FAM227B: variants seen among roughly 807,000 people sequenced by gnomAD.
FAM227B encodes the protein family with sequence similarity 227 member B, also known as protein FAM227B.
Under a neutral mutation model 73.8 loss-of-function variants are expected in FAM227B, and 88 were observed. The ratio of observed to expected loss-of-function variants is 1.19; its 90% CI spans 1.00 to 1.42. The LOEUF (loss-of-function observed/expected upper bound fraction) is 1.42. Ranked by LOEUF, FAM227B falls within the 40% of genes most tolerant of loss-of-function variation. The pLI, the probability that FAM227B is intolerant of heterozygous loss-of-function variation, is 0.00. For missense variants in FAM227B, 632 were observed against 590.9 expected, an observed-to-expected ratio of 1.07 and a Z score of -0.72; for synonymous variants, 210 against 190.5, an observed-to-expected ratio of 1.10 and a Z score of -0.84.
chr15:49,454,883 A>AC (rs1667766601), intron 11 of FAM227B, among the ~76,000 whole-genome samples: 1 of 152,170 alleles, frequency 6.6e-6, no homozygotes, highest in Admixed American at 6.5e-5. Flanking sequence ...TGCTGGGATT[A>AC]CAGGTGTGAG....
chr15:49,564,718 C>T (rs553208918), intron 9 of FAM227B, among the ~76,000 whole-genome samples: 40 of 151,856 alleles, frequency 2.6e-4, no homozygotes, highest in South Asian at 2.1e-3. Context: ...GGCCATTAAT[C>T]TAAGCTAATT....
At position 49,328,032 on chromosome 15, in the gene FAM227B, T is replaced by C. The variant is rs376206527; in HGVS notation, c.*536A>G. The C allele has an allele frequency of 3.2e-5, 51 of 1,613,962 alleles. No individual in the cohort carries two copies. The highest frequency in any genetic ancestry group is 4.1e-5 in the Non-Finnish European group (48 of 1,179,936). On this transcript the variant is annotated 3_prime_UTR_variant, in exon 16 of 16. Transcript: ENST00000299338. ...GTATCAATGGTACCTGCGGACAAGC[T>C]GCCCAGCTTTCTAGCAAATGTGCAC...
chr15:49,385,053 T>G (rs2046794833), intron 11 of FAM227B, among the ~76,000 whole-genome samples: 2 of 151,950 alleles, frequency 1.3e-5, no homozygotes, highest in African/African-American at 4.8e-5. Context: ...TCTAATAGCA[T>G]TTGAGTCTTC....
chr15:49,556,804 G>T (rs751484599), intron 9 of FAM227B, among the ~76,000 whole-genome samples: 2 of 152,176 alleles, frequency 1.3e-5, no homozygotes, highest in African/African-American at 2.4e-5. Flanking sequence ...ATTTCTGGTT[G>T]TGCTCCATCA....
chr15:49,471,490 TAATAATAA>T (rs1200913012), intron 11 of FAM227B, among the ~76,000 whole-genome samples: 3 of 67,964 alleles, frequency 4.4e-5, no homozygotes, highest in African/African-American at 1.3e-4. Flanking sequence ...CTCAAAATAA[TAATAATAA>T]TAATAATAAT....
At chr15:49,429,371 C>A (rs550333370) in intron 11 of FAM227B, among the ~76,000 whole-genome samples, 7 of 152,044 alleles carry the variant, frequency 4.6e-5, no homozygotes, top group African/African-American at 1.4e-4. Flanking sequence ...ATTTTATAAT[C>A]TTTTCTTTTT....
chr15:49,578,893 G>T (rs2075636541), intron 5 of FAM227B, among the ~76,000 whole-genome samples: 1 of 152,142 alleles, frequency 6.6e-6, no homozygotes, highest in Non-Finnish European at 1.5e-5. Context: ...GAAAATATTT[G>T]CAAACCATCT....
chr15:49,489,444 C>T, intron 11 of FAM227B: 1 of 876,004 alleles, frequency 1.1e-6, no homozygotes, highest in South Asian at 5.2e-5. Context: ...TCCTCTTAGC[C>T]TGAGATGTGG....
intron 14 of FAM227B, chr15:49,334,213 C>A: frequency 1.0e-6 from 1 of 978,214 alleles, no homozygotes; most frequent in Non-Finnish European, 1.2e-6. Context: ...GAATAAGAGA[C>A]AAACCTATCA....
intron 11 of FAM227B, among the ~76,000 whole-genome samples, chr15:49,432,340 TCTAA>T (rs1233060877): frequency 1.3e-5 from 2 of 151,686 alleles, no homozygotes; most frequent in Non-Finnish European, 3.0e-5. Context: ...GCACAGCTTC[TCTAA>T]CTAACCTGCT....
chr15:49,400,739 A>G (rs2048076787), intron 11 of FAM227B, among the ~76,000 whole-genome samples: 2 of 151,040 alleles, frequency 1.3e-5, no homozygotes, highest in East Asian at 3.9e-4. Flanking sequence ...TGAGAAAAAC[A>G]AGGAATGGGG....
chr15:49,541,515 T>C (rs2071066381), intron 10 of FAM227B, among the ~76,000 whole-genome samples, 165 bp downstream of exon 10: 1 of 152,122 alleles, frequency 6.6e-6, no homozygotes, highest in South Asian at 2.1e-4. Context: ...TAATGAAATG[T>C]TCAGAAGAAA....
At chr15:49,367,866 GAA>G (rs34096112) in intron 12 of FAM227B, 4,379 of 116,822 alleles carry the variant, frequency 0.037, 95 homozygotes, top group African/African-American at 0.079. Context: ...CTTAAGAACA[GAA>G]AAAAAAAAAA....
At chr15:49,613,015 G>A (rs374484104) in intron 2 of FAM227B, among the ~76,000 whole-genome samples, 18 of 152,150 alleles carry the variant, frequency 1.2e-4, no homozygotes, top group African/African-American at 4.3e-4. Context: ...GAAGGGTAGT[G>A]GGAAGTGAGG....
chr15:49,337,482 C>CATGTCTTCGTTTGAAA (rs71120678), intron 13 of FAM227B, among the ~76,000 whole-genome samples: 85,547 of 141,308 alleles, frequency 0.61, 26,185 homozygotes, highest in Non-Finnish European at 0.64. Flanking sequence ...TGGACACTTG[C>CATGTCTTCGTTTGAAA]AATGTCTGTT....
chr15:49,613,941 TACTC>T lies in FAM227B; in HGVS notation c.51+1176_51+1179del, dbSNP rs531681269. ...TGCAAAAGGCTTACAGACAGAAAAA[TACTC>T]ACGATATAATATCTCTAGCTTCATG... is the stretch of plus-strand genomic sequence containing the variant. On this transcript the variant is annotated intron_variant, in intron 2 of 15. Coordinates refer to ENST00000299338, the MANE Select transcript of FAM227B (RefSeq NM_152647.3). Among the ~76,000 whole-genome samples, 117 of 152,198 alleles carry T rather than the reference TACTC, an allele frequency of 7.7e-4. 1 individual carries two copies. The highest frequency in any genetic ancestry group is 1.4e-3 in the Non-Finnish European group (94 of 68,016).
intron 11 of FAM227B, among the ~76,000 whole-genome samples, chr15:49,426,691 A>G (rs1256639545): frequency 1.3e-5 from 2 of 151,896 alleles, no homozygotes; most frequent in Middle Eastern, 3.2e-3. Flanking sequence ...TTTGTAAACC[A>G]TCTCCTCTAA....
chr15:49,328,447 T>A lies in FAM227B; in HGVS notation c.*121A>T. Reference sequence around the variant, plus strand: ...ATTTGAAGATTTTAAAGATGAATGGTAAAACACACTCTTAATACTGATTAC... The same window carrying A: ...ATTTGAAGATTTTAAAGATGAATGGAAAAACACACTCTTAATACTGATTAC... On this transcript the variant is annotated 3_prime_UTR_variant, in exon 16 of 16. Coordinates refer to ENST00000299338, the MANE Select transcript of FAM227B (RefSeq NM_152647.3). 1 of 1,466,020 alleles carries A rather than the reference T, an allele frequency of 6.8e-7. No individual in the cohort carries two copies. Among genetic ancestry groups the A allele is most frequent in the Non-Finnish European group, 9.0e-7 (1 of 1,109,618 alleles). 90.8% of individuals were successfully genotyped at this position (1,466,020 alleles called of 1,614,324 possible). A position where few individuals can be genotyped will look rare whatever the true frequency, so the allele number is the denominator to read the frequency against.
intron 11 of FAM227B, among the ~76,000 whole-genome samples, chr15:49,384,937 C>A (rs949686602): frequency 1.3e-5 from 2 of 151,872 alleles, no homozygotes; most frequent in Non-Finnish European, 2.9e-5. Context: ...GTTTTTCAGA[C>A]CATGGCTCCA....
Sources: gnomAD v4.1 joint callset for allele counts (sites outside exome capture counted in the v4.1 genomes callset) on GRCh38, gnomAD v4.1.1 for gene constraint, MANE v1.5 for transcripts, NCBI Gene and HGNC (gene_info 2026-07-23, HGNC 2026-07-21) for gene names.